Variants in XPO1 observed in about 807,000 individuals in gnomAD.
XPO1 encodes the protein exportin 1, also known as exportin-1.
A neutral mutation model predicts 133.3 loss-of-function variants in XPO1; 5 were observed. That is an observed-to-expected ratio of 0.04 (90% CI 0.02 to 0.08). XPO1 has a LOEUF of 0.08. Among genes scored for constraint, XPO1 ranks in the 10% least tolerant of loss-of-function variants. XPO1 has a pLI of 1.00. For synonymous variants in XPO1, 419 were observed against 408.2 expected, an observed-to-expected ratio of 1.03 and a Z score of -0.32; for missense variants, 506 against 1,267.5, an observed-to-expected ratio of 0.40 and a Z score of 9.12.
intron 23 of XPO1, among the ~76,000 whole-genome samples, chr2:61,481,967 C>T (rs1696382684): frequency 1.3e-5 from 2 of 149,740 alleles, no homozygotes; most frequent in Non-Finnish European, 3.0e-5. Flanking sequence ...GAACTCCTGA[C>T]CTTGTGATTC....
At chr2:61,508,752 T>C (rs1046960815) in intron 4 of XPO1, among the ~76,000 whole-genome samples, 2 of 152,228 alleles carry the variant, frequency 1.3e-5, no homozygotes, top group South Asian at 2.1e-4. Flanking sequence ...CATATTCCCA[T>C]AGAAGCAACT....
intron 24 of XPO1, chr2:61,480,228 CATTAA>C (rs1696274489): frequency 6.6e-6 from 1 of 150,606 alleles, no homozygotes; most frequent in South Asian, 2.1e-4. Flanking sequence ...TAATAACTGT[CATTAA>C]ATTAAGTTTA....
intron 20 of XPO1, 55 bp from the exon 21 acceptor site, chr2:61,484,160 C>A (rs781184077): frequency 6.7e-6 from 10 of 1,494,350 alleles, no homozygotes; most frequent in Non-Finnish European, 9.2e-6. Context: ...TTGTGCTAGA[C>A]AGGAGGGGAA....
intron 3 of XPO1, 84 bp downstream of exon 3, chr2:61,526,336 C>T (rs1698903657): frequency 2.7e-6 from 4 of 1,497,766 alleles, no homozygotes; most frequent in South Asian, 1.3e-5. Flanking sequence ...ATAACAAATG[C>T]TAATACTAAA....
chr2:61,500,925 GAT>G (rs1697482802), intron 6 of XPO1, among the ~76,000 whole-genome samples: 1 of 152,138 alleles, frequency 6.6e-6, no homozygotes, highest in South Asian at 2.1e-4. Context: ...GTAGGGTTTG[GAT>G]ATATGAATTT....
intron 2 of XPO1, among the ~76,000 whole-genome samples, chr2:61,527,533 T>G (rs1698960281): frequency 6.6e-6 from 1 of 152,136 alleles, no homozygotes; most frequent in African/African-American, 2.4e-5. Context: ...AGTTATGTAA[T>G]GTAGCAGGAC....
chr2:61,509,746 C>T (rs111425019), intron 4 of XPO1, among the ~76,000 whole-genome samples: 1,647 of 152,288 alleles, frequency 0.011, 31 homozygotes, highest in African/African-American at 0.038. Context: ...GAACACTTCT[C>T]ATCCCAAGCA....
At chr2:61,487,725 G>C (rs1558633723) in intron 19 of XPO1, among the ~76,000 whole-genome samples, 1 of 152,104 alleles carries the variant, frequency 6.6e-6, no homozygotes, top group East Asian at 1.9e-4. Context: ...TTCCTTTTCT[G>C]CAAATCATTT....
chr2:61,484,937 G>A (rs1460327320), intron 20 of XPO1: 1 of 152,270 alleles, frequency 6.6e-6, no homozygotes, highest in African/African-American at 2.4e-5. Context: ...TAGAGATGGG[G>A]TTTCACCATG....
At chr2:61,491,600 A>G (rs187474972) in intron 16 of XPO1, among the ~76,000 whole-genome samples, 3 of 152,246 alleles carry the variant, frequency 2.0e-5, no homozygotes, top group Admixed American at 6.5e-5. Context: ...CTGTCTCACT[A>G]TGAAAATTTA....
chr2:61,532,212 C>G (rs1699185185), intron 2 of XPO1, among the ~76,000 whole-genome samples: 1 of 152,058 alleles, frequency 6.6e-6, no homozygotes, highest in South Asian at 2.1e-4. Flanking sequence ...ACTGCAAGCT[C>G]CGCCTCCCGG....
At chr2:61,521,235 A>G (rs1331369273) in intron 4 of XPO1, among the ~76,000 whole-genome samples, 3 of 152,214 alleles carry the variant, frequency 2.0e-5, no homozygotes, top group Non-Finnish European at 4.4e-5. Context: ...ATTCAACTCT[A>G]AATGTGCTCA....
chr2:61,522,657 A>G lies in XPO1; in HGVS notation c.255T>C (p.Asn85=), dbSNP rs778273456. Residue 85 remains asparagine, a synonymous_variant, in exon 4 of 25, where the codon AAT becomes AAC. Coordinates refer to ENST00000401558, the MANE Select transcript of XPO1 (RefSeq NM_003400.4). Reference sequence around the variant, plus strand: ...GAATCTTCCACCTTGTTTTTATCACATTTTCCAAAATTTGTAGTCCATAGT... The same window carrying G: ...GAATCTTCCACCTTGTTTTTATCACGTTTTCCAAAATTTGTAGTCCATAGT... ...TKYYGLQILE[N]VIKTRWKILP... 3.7e-6 allele frequency: 6 copies of G among 1,613,746 alleles called. No individual in the cohort carries two copies. The East Asian group carries it at 1.1e-4, about 30-fold the overall frequency.
chr2:61,517,704 G>A (rs953607612), intron 4 of XPO1, among the ~76,000 whole-genome samples: 1 of 152,184 alleles, frequency 6.6e-6, no homozygotes, highest in Non-Finnish European at 1.5e-5. Flanking sequence ...GGACGGCAAA[G>A]TAGGAAGACT....
At position 61,486,066 on chromosome 2, in the gene XPO1, T is replaced by C; in HGVS notation, c.2314-104A>G. ...TATGAGATGTAGCATGATCATCTACTGAAAACAGGAAAATCTTGTGTTTGT... is the reference window on the plus strand; with the variant it reads ...TATGAGATGTAGCATGATCATCTACCGAAAACAGGAAAATCTTGTGTTTGT... On this transcript the variant is annotated intron_variant, in intron 19 of 24. Coordinates refer to ENST00000401558, the MANE Select transcript of XPO1 (RefSeq NM_003400.4). 4.1e-6 allele frequency: 4 copies of C among 965,216 alleles called. 1 individual carries two copies. Among genetic ancestry groups the C allele is most frequent in the Non-Finnish European group, 5.8e-6 (4 of 685,382 alleles). The allele number at this position is 965,216 out of a possible 1,614,324, so 59.8% of individuals were successfully genotyped here. A position where few individuals can be genotyped will look rare whatever the true frequency, so the allele number is the denominator to read the frequency against.
At position 61,478,982 on chromosome 2, in the gene XPO1, G is replaced by A. The variant is rs2104196475; in HGVS notation, c.3070-16C>T. 1.2e-6 allele frequency: 2 copies of A among 1,605,894 alleles called. No individual in the cohort carries two copies. Among genetic ancestry groups the A allele is most frequent in the Non-Finnish European group, 1.7e-6 (2 of 1,176,908 alleles). On this transcript the variant is annotated splice_polypyrimidine_tract_variant and intron_variant, in intron 24 of 24. Coordinates refer to ENST00000401558, the MANE Select transcript of XPO1 (RefSeq NM_003400.4). ...CTGCAAATTCCTGTGAAAACAGATA[G>A]TTGAAATGTCAACGCAATAAACTTC... is the stretch of plus-strand genomic sequence containing the variant.
intron 3 of XPO1, chr2:61,525,987 G>A (rs752797906): frequency 1.6e-5 from 17 of 1,059,370 alleles, no homozygotes; most frequent in Non-Finnish European, 1.9e-5. Context: ...AATAAAAACT[G>A]AGTGCTGTCC....
rs764483976 is a variant in XPO1 at position 61,492,846 on chromosome 2, T to A, written c.1384+69A>T. On this transcript the variant is annotated intron_variant, in intron 13 of 24. Coordinates refer to ENST00000401558, the MANE Select transcript of XPO1 (RefSeq NM_003400.4). The surrounding 1 kb of genome is among the most constrained non-coding windows in gnomAD (Gnocchi z 5.6). ...AAATATTTAGAAACTACAAGTACAT[T>A]TCCTAAAATGTATTTCCACCCCAGA... is the stretch of plus-strand genomic sequence containing the variant. The A allele has an allele frequency of 3.5e-5, 55 of 1,559,426 alleles. No homozygotes were observed. The highest frequency in any genetic ancestry group is 4.5e-5 in the Non-Finnish European group (52 of 1,152,656).
At chr2:61,530,648 T>G (rs562754000) in intron 2 of XPO1, among the ~76,000 whole-genome samples, 1 of 152,014 alleles carries the variant, frequency 6.6e-6, no homozygotes, top group East Asian at 1.9e-4. Flanking sequence ...ATACTAACCA[T>G]GTATGCAGAA....
Sources: gnomAD v4.1 joint callset for allele counts (sites outside exome capture counted in the v4.1 genomes callset) on GRCh38, gnomAD v4.1.1 for gene constraint, Gnocchi (gnomAD v3.1) non-coding constraint, MANE v1.5 for transcripts, NCBI Gene and HGNC (gene_info 2026-07-23, HGNC 2026-07-21) for gene names.